SNTB1: variants seen among roughly 807,000 people sequenced by gnomAD.
SNTB1 encodes beta-1-syntrophin.
SNTB1 carries 36 observed loss-of-function variants against 48.9 expected under a neutral mutation model. The observed-to-expected ratio is 0.74, with a 90% CI of 0.56 to 0.97. The LOEUF is 0.97. Ranked by LOEUF, SNTB1 falls within the 50% of genes least tolerant of loss-of-function variation. SNTB1 has a pLI of 0.00. For missense variants in SNTB1, 786 were observed against 703.4 expected, an observed-to-expected ratio of 1.12 and a Z score of -1.33; for synonymous variants, 299 against 294.6, an observed-to-expected ratio of 1.01 and a Z score of -0.15.
At chr8:120,666,153 G>T (rs565227916) in intron 2 of SNTB1, among the ~76,000 whole-genome samples, 1 of 152,330 alleles carries the variant, frequency 6.6e-6, no homozygotes, top group East Asian at 1.9e-4. Context: ...TGAGGAAAGT[G>T]TTACCATCGT....
intron 1 of SNTB1, among the ~76,000 whole-genome samples, chr8:120,790,551 A>G (rs1199372207): frequency 6.6e-6 from 1 of 152,074 alleles, no homozygotes; most frequent in Non-Finnish European, 1.5e-5. Flanking sequence ...AGGTTACCAA[A>G]TCAGTGTATA....
chr8:120,629,313 A>T (rs1418787685), intron 3 of SNTB1, among the ~76,000 whole-genome samples: 1 of 152,228 alleles, frequency 6.6e-6, no homozygotes, highest in Non-Finnish European at 1.5e-5. Context: ...ATGGAATTTT[A>T]AAAAGGAAGT....
rs1231684450 is a variant in SNTB1 at position 120,621,373 on chromosome 8, CA to C, written c.996+11070del. Among the ~76,000 whole-genome samples the C allele has an allele frequency of 2.0e-5, 3 of 152,246 alleles. No individual in the cohort carries two copies. The East Asian group carries it at 5.8e-4, about 29-fold the overall frequency. On this transcript the variant is annotated intron_variant, in intron 3 of 6. Coordinates refer to ENST00000517992, the MANE Select transcript of SNTB1 (RefSeq NM_021021.4). Reference sequence around the variant, plus strand: ...TGCAGTAAAGTGTCTAGGGAACCTGCAACTGAGAAGATGCCAAGATTAGTTC... The same window carrying C: ...TGCAGTAAAGTGTCTAGGGAACCTGCACTGAGAAGATGCCAAGATTAGTTC...
intron 1 of SNTB1, among the ~76,000 whole-genome samples, chr8:120,713,685 G>A (rs1260318217): frequency 6.6e-6 from 1 of 152,168 alleles, no homozygotes; most frequent in Non-Finnish European, 1.5e-5. Flanking sequence ...AGCCAAGACT[G>A]TGCCACTGCA....
intron 3 of SNTB1, among the ~76,000 whole-genome samples, chr8:120,614,216 A>G (rs1468328641): frequency 6.6e-6 from 1 of 152,324 alleles, no homozygotes; most frequent in South Asian, 2.1e-4. Flanking sequence ...CTCATCTGTA[A>G]TATGAGGCAG....
rs185780505 is a variant in SNTB1 at position 120,551,061 on chromosome 8, C to G, written c.1137-2103G>C. ...TCACGAGGTCAGGAGTTCAAGACAGCCTGGCCAAGATGGTGAAACCAACGT... is the reference window on the plus strand; with the variant it reads ...TCACGAGGTCAGGAGTTCAAGACAGGCTGGCCAAGATGGTGAAACCAACGT... On this transcript the variant is annotated intron_variant, in intron 4 of 6. Coordinates refer to ENST00000517992, the MANE Select transcript of SNTB1 (RefSeq NM_021021.4). Among the ~76,000 whole-genome samples, 785 of 152,072 alleles carry G rather than the reference C, an allele frequency of 5.2e-3. 8 individuals carry two copies. The highest frequency in any genetic ancestry group is 0.018 in the African/African-American group (743 of 41,510).
At position 120,707,575 on chromosome 8, in the gene SNTB1, A is replaced by G. The variant is rs191405353; in HGVS notation, c.572-13667T>C. On this transcript the variant is annotated intron_variant, in intron 1 of 6. Transcript: ENST00000517992. ...ATAGTTGGGCCTTTGTTGTTTTTTA[A>G]AAAGGTAGGAAAGGAATGATGGTGA... 4.3e-4 allele frequency among the ~76,000 whole-genome samples: 65 copies of G among 152,284 alleles called. No individual in the cohort carries two copies. In the East Asian group the frequency reaches 0.011, roughly 25 times the overall value.
intron 1 of SNTB1, among the ~76,000 whole-genome samples, chr8:120,798,301 T>C (rs1165171461): frequency 1.3e-5 from 2 of 151,982 alleles, no homozygotes; most frequent in Non-Finnish European, 2.9e-5. Context: ...CCATAATATG[T>C]GGTCAAGCAT....
At chr8:120,648,950 T>G (rs1817354727) in intron 2 of SNTB1, among the ~76,000 whole-genome samples, 1 of 151,354 alleles carries the variant, frequency 6.6e-6, no homozygotes, top group South Asian at 2.1e-4. Flanking sequence ...TTCTTCCAGT[T>G]GATCGCATCG....
At chr8:120,694,003 G>T in intron 1 of SNTB1, 95 bp from the exon 2 acceptor site, 3 of 950,960 alleles carry the variant, frequency 3.2e-6, no homozygotes, top group Non-Finnish European at 5.1e-6. Context: ...CTTTGGATAA[G>T]CTCTTAATAC....
At chr8:120,620,952 TCTTTC>T (rs1388475496) in intron 3 of SNTB1, among the ~76,000 whole-genome samples, 5 of 116,590 alleles carry the variant, frequency 4.3e-5, no homozygotes, top group Admixed American at 1.7e-4. Context: ...TCTTTTCTTT[TCTTTC>T]TTTTTTCTTT....
intron 2 of SNTB1, among the ~76,000 whole-genome samples, chr8:120,682,346 G>A (rs543923657): frequency 6.6e-6 from 1 of 152,134 alleles, no homozygotes; most frequent in African/African-American, 2.4e-5. Context: ...AAAAGGGACT[G>A]TATGAGATCT....
intron 1 of SNTB1, among the ~76,000 whole-genome samples, chr8:120,785,884 C>T (rs1466634577): frequency 1.3e-5 from 2 of 152,240 alleles, no homozygotes; most frequent in Non-Finnish European, 2.9e-5. Flanking sequence ...AAAACTTGCA[C>T]AACCTCAGCT....
At chr8:120,742,571 C>T (rs1171305970) in intron 1 of SNTB1, among the ~76,000 whole-genome samples, 3 of 152,186 alleles carry the variant, frequency 2.0e-5, no homozygotes, top group African/African-American at 7.2e-5. Flanking sequence ...GCTGAAGGTA[C>T]AGCATAAGTT....
At chr8:120,605,999 T>C (rs911251014) in intron 3 of SNTB1, among the ~76,000 whole-genome samples, 2 of 152,068 alleles carry the variant, frequency 1.3e-5, no homozygotes, top group African/African-American at 4.8e-5. Context: ...TACTCGTCCC[T>C]GCATCTGGGA....
chr8:120,811,161 C>A (rs1298271158), intron 1 of SNTB1, 112 bp downstream of exon 1: 3 of 1,403,882 alleles, frequency 2.1e-6, no homozygotes, highest in Non-Finnish European at 2.8e-6. Flanking sequence ...CACACCCGGC[C>A]CCCTGGGGTG....
chr8:120,657,428 G>T (rs1210040853), intron 2 of SNTB1, among the ~76,000 whole-genome samples: 1 of 152,162 alleles, frequency 6.6e-6, no homozygotes, highest in Non-Finnish European at 1.5e-5. Flanking sequence ...ATGATGTCTT[G>T]AAAGGAATCT....
At chr8:120,568,114 T>C (rs937873352) in intron 4 of SNTB1, among the ~76,000 whole-genome samples, 2 of 152,158 alleles carry the variant, frequency 1.3e-5, no homozygotes, top group Admixed American at 1.3e-4. Flanking sequence ...ACCTCTGCAA[T>C]GGAAGGATTC....
chr8:120,644,675 C>A (rs1817254210), intron 2 of SNTB1, among the ~76,000 whole-genome samples: 1 of 151,774 alleles, frequency 6.6e-6, no homozygotes. Context: ...TGGGTATATA[C>A]CCAGTAATGG....
Sources: gnomAD v4.1 joint callset for allele counts (sites outside exome capture counted in the v4.1 genomes callset) on GRCh38, gnomAD v4.1.1 for gene constraint, MANE v1.5 for transcripts, NCBI Gene and HGNC (gene_info 2026-07-23, HGNC 2026-07-21) for gene names.